Variants in ITGB7 observed in about 807,000 individuals in gnomAD.
The protein encoded by ITGB7 is integrin beta-7.
ITGB7 carries 55 observed loss-of-function variants against 83.4 expected under a neutral mutation model. That is an observed-to-expected ratio of 0.66 (90% confidence interval 0.53 to 0.83). The LOEUF is 0.83. Ranked by LOEUF, ITGB7 falls within the 40% of genes least tolerant of loss-of-function variation. The pLI is 0.00. For missense variants in ITGB7, 921 were observed against 1,046.7 expected, an observed-to-expected ratio of 0.88 and a Z score of 1.66; for synonymous variants, 454 against 423.6, an observed-to-expected ratio of 1.07 and a Z score of -0.88.
At position 53,196,627 on chromosome 12, in the gene ITGB7, G is replaced by A. The variant is rs145788913; in HGVS notation, c.768C>T (p.Asp256=). The A allele has an allele frequency of 1.9e-6, 3 of 1,613,434 alleles. No homozygotes were observed. The highest frequency in any genetic ancestry group is 2.5e-6 in the Non-Finnish European group (3 of 1,179,654). Residue 256 remains aspartate (D), a synonymous_variant, in exon 6 of 16, where the codon GAC becomes GAT. Coordinates refer to ENST00000267082, the MANE Select transcript of ITGB7 (RefSeq NM_000889.3). ...VGRQSVSGNL[D]SPEGGFDAIL... ...TGGCATCGAAGCCACCTTCAGGCGA[G>A]TCCAGATTGCCGGACACACTCTGGC... is the stretch of plus-strand genomic sequence containing the variant.
In ITGB7 at chr12:53,197,805, G is replaced by A. The variant is rs991391388; in HGVS notation, c.348C>T (p.Arg116=). ...GCGCCAGCTGGGTGGCACCCTCTCC[G>A]CGGGCGCCCTGGCTGAGCGGCTGGT... ...LQDQPLSQGA[R]GEGATQLAPQ... is the part of the protein sequence containing the mutation. The change falls in exon 4 of 16, where the codon CGC becomes CGT. Residue 116 remains arginine (R), a synonymous_variant. Transcript: ENST00000267082. The A allele has an allele frequency of 1.3e-6, 2 of 1,543,268 alleles. No individual in the cohort carries two copies. Among genetic ancestry groups the A allele is most frequent in the Non-Finnish European group, 1.7e-6 (2 of 1,149,214 alleles).
rs375121603 is a variant in ITGB7, at chr12:53,194,252, C to T, written c.1254G>A (p.Arg418=). Residue 418 remains arginine (R), a synonymous_variant, in exon 10 of 16, where the codon AGG becomes AGA. Coordinates refer to ENST00000267082, the MANE Select transcript of ITGB7 (RefSeq NM_000889.3). ...YESQCEGPEK[R]EGKAEDRGQC... is the part of the protein sequence containing the mutation. ...GTCCTCGATCCTCAGCCTTACCCTC[C>T]CTCTTCTCAGGACCCTCACACTGGG... 1 of 1,614,072 alleles carries T rather than the reference C, an allele frequency of 6.2e-7. No individual in the cohort carries two copies. The highest frequency in any genetic ancestry group is 8.5e-7 in the Non-Finnish European group (1 of 1,180,010).
rs1183626001 is a variant in ITGB7 at position 53,191,723 on chromosome 12, T to A, written c.2317-87A>T. ...CCTAAGAGGCCAGCCTTGAGCCGAA[T>A]CCTAGGAGCTGATGGAAGTTAGCAG... On this transcript the variant is annotated intron_variant, in intron 15 of 15. Transcript: ENST00000267082. 6.6e-6 allele frequency: 10 copies of A among 1,524,120 alleles called. No individual in the cohort carries two copies. The African/African-American group carries it at 6.8e-5, about 10-fold the overall frequency. 94.4% of individuals were successfully genotyped at this position (1,524,120 alleles called of 1,614,324 possible).
rs141735405 is a variant in ITGB7 at position 53,198,603 on chromosome 12, C to T, written c.202-652G>A. Among the ~76,000 whole-genome samples, 541 of 151,862 alleles carry T rather than the reference C, an allele frequency of 3.6e-3. 1 individual carries two copies. Among genetic ancestry groups the T allele is most frequent in the Middle Eastern group, 6.8e-3 (2 of 294 alleles). ...AGAGCCCCACTTCCTATAGCAGTCC[C>T]CCACCCCTCCCCTATCTCAACTCCC... On this transcript the variant is annotated intron_variant, in intron 3 of 15. Coordinates refer to ENST00000267082, the MANE Select transcript of ITGB7 (RefSeq NM_000889.3).
At chr12:53,203,602 C>T (rs1396773412) in intron 1 of ITGB7, among the ~76,000 whole-genome samples, 5 of 130,768 alleles carry the variant, frequency 3.8e-5, no homozygotes, top group African/African-American at 2.9e-5. Flanking sequence ...GAGCCAAGAT[C>T]GGGCCACTGC....
At position 53,195,999 on chromosome 12, in the gene ITGB7, G is replaced by A. The variant is rs773849583; in HGVS notation, c.975+42C>T. 28 of 1,604,902 alleles carry A rather than the reference G, an allele frequency of 1.7e-5. No homozygotes were observed. In the South Asian group the frequency reaches 2.3e-4, roughly 13 times the overall value. On this transcript the variant is annotated intron_variant, in intron 7 of 15. Transcript: ENST00000267082. ...GTGGGAGTCCTGGAAGGAAAGAGGT[G>A]TGGCTGAAATGGGGAGAGGCAGGGT...
intron 6 of ITGB7, 144 bp downstream of exon 6, chr12:53,196,435 A>G (rs1451590389): frequency 1.1e-5 from 14 of 1,222,508 alleles, no homozygotes; most frequent in Admixed American, 2.8e-5. Context: ...TTTTACTCCA[A>G]CCCACCAGGT....
At chr12:53,202,583 G>A (rs970243560) in intron 1 of ITGB7, among the ~76,000 whole-genome samples, 2 of 151,492 alleles carry the variant, frequency 1.3e-5, no homozygotes, top group Non-Finnish European at 2.9e-5. Flanking sequence ...TCAAACTCCT[G>A]ACCTCAAGTG....
chr12:53,193,478 G>T, intron 11 of ITGB7, 115 bp from the exon 12 acceptor site: 1 of 825,196 alleles, frequency 1.2e-6, no homozygotes, highest in Non-Finnish European at 1.9e-6. Flanking sequence ...CAGACAAACA[G>T]CTGAAAGGAT....
At chr12:53,195,547 G>A (rs1373011625) in intron 8 of ITGB7, 79 bp downstream of exon 8, 1 of 1,520,500 alleles carries the variant, frequency 6.6e-7, no homozygotes, top group African/African-American at 1.4e-5. Context: ...GGGCATATGG[G>A]GGACGGAGAA....
chr12:53,192,661 G>C, intron 13 of ITGB7, 30 bp downstream of exon 13: 2 of 1,605,870 alleles, frequency 1.2e-6, no homozygotes, highest in South Asian at 1.1e-5. Context: ...CTGTGCCCCT[G>C]CTCCCAAGAT....
At chr12:53,205,440 C>T (rs996871539) in intron 1 of ITGB7, among the ~76,000 whole-genome samples, 2 of 152,176 alleles carry the variant, frequency 1.3e-5, no homozygotes, top group Non-Finnish European at 2.9e-5. Context: ...CCACCTGCCT[C>T]GGCCTCCCAA....
chr12:53,202,881 G>T (rs1049703581), intron 1 of ITGB7, among the ~76,000 whole-genome samples: 3 of 152,148 alleles, frequency 2.0e-5, no homozygotes, highest in Non-Finnish European at 2.9e-5. Flanking sequence ...ACATGCAAAA[G>T]AATGAAGTTG....
At chr12:53,196,960 GGCAA>G in intron 5 of ITGB7, 140 bp from the exon 6 acceptor site, 1 of 933,008 alleles carries the variant, frequency 1.1e-6, no homozygotes, top group Non-Finnish European at 1.6e-6. Context: ...CCTGGTAACT[GGCAA>G]GCAAAGCAGT....
intron 10 of ITGB7, 78 bp from the exon 11 acceptor site, chr12:53,193,979 C>A (rs570760616): frequency 2.1e-6 from 3 of 1,419,044 alleles, no homozygotes; most frequent in South Asian, 1.3e-5. Context: ...CATCCAGAAC[C>A]TCACCCCTTA....
chr12:53,200,578 C>T lies in ITGB7; in HGVS notation c.-3-132G>A, dbSNP rs1942302268. On this transcript the variant is annotated intron_variant, in intron 2 of 15. Transcript: ENST00000267082. ...CACTTTATCTCCCCTCATAGTTTCACTTCCCCTGTGGATTCAGCAGTTTCT... is the reference window on the plus strand; with the variant it reads ...CACTTTATCTCCCCTCATAGTTTCATTTCCCCTGTGGATTCAGCAGTTTCT... The T allele has an allele frequency of 6.9e-6, 5 of 721,608 alleles. No homozygotes were observed. In the South Asian group the frequency reaches 7.2e-5, roughly 10 times the overall value. 44.7% of individuals were successfully genotyped at this position (721,608 alleles called of 1,614,324 possible). A position where few individuals can be genotyped will look rare whatever the true frequency, so the allele number is the denominator to read the frequency against.
chr12:53,203,647 C>CAAA (rs1158624130), intron 1 of ITGB7, among the ~76,000 whole-genome samples: 2,348 of 50,900 alleles, frequency 0.046, 111 homozygotes, highest in East Asian at 0.12. Context: ...GACCCTGTCT[C>CAAA]AAAAAAAAAA....
At chr12:53,205,355 T>A (rs779821481) in intron 1 of ITGB7, among the ~76,000 whole-genome samples, 6 of 151,472 alleles carry the variant, frequency 4.0e-5, no homozygotes, top group Non-Finnish European at 7.4e-5. Context: ...TGGCTAATTA[T>A]TTTTGTATTA....
chr12:53,197,179 G>A (rs1408175230), intron 5 of ITGB7: 3 of 555,490 alleles, frequency 5.4e-6, no homozygotes, highest in Non-Finnish European at 9.7e-6. Context: ...CTTGTCCAGG[G>A]AGACTTGCAT....
Sources: gnomAD v4.1 joint callset for allele counts (sites outside exome capture counted in the v4.1 genomes callset) on GRCh38, gnomAD v4.1.1 for gene constraint, MANE v1.5 for transcripts, NCBI Gene and HGNC (gene_info 2026-07-23, HGNC 2026-07-21) for gene names.